Variants in CALN1 observed in about 807,000 individuals in gnomAD.
The protein encoded by CALN1 is calcium-binding protein 8.
A neutral mutation model predicts 30.6 loss-of-function variants in CALN1; 17 were observed. The ratio of observed to expected loss-of-function variants is 0.56; its 90% CI spans 0.38 to 0.83. The LOEUF (loss-of-function observed/expected upper bound fraction) is 0.83, where lower values mean the gene tolerates loss of function less well. Among genes scored for constraint, CALN1 ranks in the 40% least tolerant of loss-of-function variants. The pLI, the probability that CALN1 is intolerant of heterozygous loss-of-function variation, is 0.00. For synonymous variants in CALN1, 156 were observed against 131.4 expected (o/e 1.19, Z -1.28); for missense variants, 291 against 354.9 (o/e 0.82, Z 1.45).
intron 5 of CALN1, among the ~76,000 whole-genome samples, chr7:71,859,648 A>T (rs1410333104): frequency 6.6e-6 from 1 of 152,226 alleles, no homozygotes; most frequent in East Asian, 1.9e-4. Context: ...GCAATGAAGG[A>T]TATCAAACCA....
chr7:71,876,272 G>A (rs912276232), intron 5 of CALN1, among the ~76,000 whole-genome samples: 2 of 152,134 alleles, frequency 1.3e-5, no homozygotes, highest in African/African-American at 2.4e-5. Flanking sequence ...GTTAGTTCTC[G>A]TGGGAGTGAG....
chr7:71,960,497 G>A (rs1797195483), intron 5 of CALN1, among the ~76,000 whole-genome samples: 1 of 152,214 alleles, frequency 6.6e-6, no homozygotes, highest in Non-Finnish European at 1.5e-5. Flanking sequence ...TGCTGCAGAA[G>A]ATAATGATTG....
intron 3 of CALN1, among the ~76,000 whole-genome samples, chr7:72,127,717 C>A (rs946566158): frequency 6.6e-6 from 1 of 152,128 alleles, no homozygotes; most frequent in Non-Finnish European, 1.5e-5. Flanking sequence ...GATGATGTGC[C>A]TGGTATGGTG....
chr7:72,054,891 T>C (rs953453006), intron 4 of CALN1, among the ~76,000 whole-genome samples: 2 of 151,964 alleles, frequency 1.3e-5, no homozygotes, highest in African/African-American at 4.8e-5. Flanking sequence ...ACATGTGCTC[T>C]GGAAACTAAA....
intron 5 of CALN1, among the ~76,000 whole-genome samples, chr7:71,813,360 A>G (rs1788074565): frequency 6.6e-6 from 1 of 152,232 alleles, no homozygotes; most frequent in South Asian, 2.1e-4. Flanking sequence ...ATCTCCAACT[A>G]GTAAGAGATA....
the CALN1 span, among the ~76,000 whole-genome samples, chr7:72,485,568 C>G: frequency 6.6e-6 from 1 of 152,100 alleles, no homozygotes; most frequent in South Asian, 2.1e-4. Flanking sequence ...GTGGCCATTG[C>G]GCTTAACAGA....
At chr7:72,092,787 C>T (rs1805962523) in intron 4 of CALN1, among the ~76,000 whole-genome samples, 2 of 152,236 alleles carry the variant, frequency 1.3e-5, no homozygotes, top group Middle Eastern at 3.4e-3. Flanking sequence ...CTTGCTTTAG[C>T]CAGTGAAATG....
chr7:72,405,771 T>TC (rs1183091724), intron 1 of CALN1, among the ~76,000 whole-genome samples: 5 of 152,126 alleles, frequency 3.3e-5, no homozygotes, highest in Non-Finnish European at 7.4e-5. Context: ...GCCATGGCAG[T>TC]CCCCAGCACC....
In CALN1 at chr7:71,985,703, C is replaced by T. The variant is rs903722822; in HGVS notation, c.501+37954G>A. Among the ~76,000 whole-genome samples, 4 of 150,152 alleles carry T rather than the reference C, an allele frequency of 2.7e-5. No homozygotes were observed. The Admixed American group carries it at 2.7e-4, about 10-fold the overall frequency. On this transcript the variant is annotated intron_variant, in intron 5 of 6. Coordinates refer to ENST00000395275, the MANE Select transcript of CALN1 (RefSeq NM_031468.4). ...CTCCCAGGTTCAAGCGATTCTCCTGCCTCAGCCTCCTGAGTAGCTGGGATT... is the reference window on the plus strand; with the variant it reads ...CTCCCAGGTTCAAGCGATTCTCCTGTCTCAGCCTCCTGAGTAGCTGGGATT...
chr7:71,918,690 G>T (rs943496024), intron 5 of CALN1, among the ~76,000 whole-genome samples: 1 of 152,164 alleles, frequency 6.6e-6, no homozygotes, highest in Admixed American at 6.5e-5. Context: ...AAGGAAGAAG[G>T]TCAACCTAAA....
intron 2 of CALN1, among the ~76,000 whole-genome samples, chr7:72,354,439 G>T (rs1160077255): frequency 6.6e-6 from 1 of 152,084 alleles, no homozygotes; most frequent in Non-Finnish European, 1.5e-5. Flanking sequence ...TGCAAAATTT[G>T]ACAAGCTGGT....
Position 72,319,119 on chromosome 7 carries a change from T to A in CALN1, c.120-40309A>T, listed in dbSNP as rs559977468. On this transcript the variant is annotated intron_variant, in intron 2 of 6. Coordinates refer to ENST00000395275, the MANE Select transcript of CALN1 (RefSeq NM_031468.4). Reference sequence around the variant, plus strand: ...CAAGCACTATTTGCAACAGCAAAGATAAAGAATCAACTTAAGTGTCCATCA... The same window carrying A: ...CAAGCACTATTTGCAACAGCAAAGAAAAAGAATCAACTTAAGTGTCCATCA... Among the ~76,000 whole-genome samples the A allele has an allele frequency of 5.3e-5, 8 of 152,316 alleles. No homozygotes were observed. The East Asian group carries it at 1.4e-3, about 26-fold the overall frequency.
At chr7:72,357,194 G>C (rs1048866098) in intron 2 of CALN1, among the ~76,000 whole-genome samples, 1 of 151,938 alleles carries the variant, frequency 6.6e-6, no homozygotes, top group Non-Finnish European at 1.5e-5. Flanking sequence ...AATGAAATAT[G>C]ATGCTGGAGT....
chr7:72,254,883 C>T (rs1237325211), intron 3 of CALN1, among the ~76,000 whole-genome samples: 3 of 152,126 alleles, frequency 2.0e-5, no homozygotes, highest in Non-Finnish European at 4.4e-5. Flanking sequence ...TCTCCTGCCT[C>T]AGCCTCCCAA....
At position 72,140,028 on chromosome 7, in the gene CALN1, C is replaced by A. The variant is rs538424727; in HGVS notation, c.245-33734G>T. The stretch of plus-strand genomic sequence containing the variant: ...GAAGTGTCCTGTAATCTCAGCAATT[C>A]GGGAGACTGAGGTGGGAGGATTGCT... On this transcript the variant is annotated intron_variant, in intron 3 of 6. Coordinates refer to ENST00000395275, the MANE Select transcript of CALN1 (RefSeq NM_031468.4). Among the ~76,000 whole-genome samples, 15 of 151,970 alleles carry A rather than the reference C, an allele frequency of 9.9e-5. No individual in the cohort carries two copies. In the South Asian group the frequency reaches 3.1e-3, roughly 32 times the overall value.
At chr7:72,089,888 A>G (rs749329724) in intron 4 of CALN1, among the ~76,000 whole-genome samples, 4 of 152,248 alleles carry the variant, frequency 2.6e-5, no homozygotes, top group Non-Finnish European at 4.4e-5. Flanking sequence ...ATGTGAAGAT[A>G]ACTTCTATGC....
Position 72,089,884 on chromosome 7 carries a change from A to C in CALN1, c.388+16267T>G, listed in dbSNP as rs149728836. The stretch of plus-strand genomic sequence containing the variant: ...GCTACAAGGCACATGGGTAATGTGA[A>C]GATAACTTCTATGCACATACAAAAA... On this transcript the variant is annotated intron_variant, in intron 4 of 6. Coordinates refer to ENST00000395275, the MANE Select transcript of CALN1 (RefSeq NM_031468.4). Among the ~76,000 whole-genome samples the C allele has an allele frequency of 4.2e-3, 636 of 152,352 alleles. 2 individuals carry two copies. Among genetic ancestry groups the C allele is most frequent in the African/African-American group, 0.015 (610 of 41,586 alleles).
At chr7:72,496,785 G>A in the CALN1 span, among the ~76,000 whole-genome samples, 1 of 152,150 alleles carries the variant, frequency 6.6e-6, no homozygotes, top group Admixed American at 6.5e-5. Context: ...AGGCTGAGGT[G>A]GGAGGATTCC....
chr7:72,005,493 T>G (rs1261140350), intron 5 of CALN1, among the ~76,000 whole-genome samples: 2 of 151,876 alleles, frequency 1.3e-5, no homozygotes, highest in Non-Finnish European at 2.9e-5. Context: ...CATGCCCAGC[T>G]AACTTATGCA....
Sources: gnomAD v4.1 joint callset for allele counts (sites outside exome capture counted in the v4.1 genomes callset) on GRCh38, gnomAD v4.1.1 for gene constraint, MANE v1.5 for transcripts, NCBI Gene and HGNC (gene_info 2026-07-23, HGNC 2026-07-21) for gene names.